The following KSR2 variants were observed in gnomAD, a reference collection of about 807,000 sequenced individuals.
KSR2 encodes the protein kinase suppressor of ras 2.
A neutral mutation model predicts 107.8 loss-of-function variants in KSR2; 25 were observed. That is an observed-to-expected ratio of 0.23 (90% confidence interval 0.17 to 0.32). KSR2 has a LOEUF of 0.32. KSR2 is among the 10% of genes least tolerant of loss of function. The pLI is 1.00. For missense variants in KSR2, 887 were observed against 1,268.9 expected (o/e 0.70, Z 4.57); for synonymous variants, 480 against 507.0 (o/e 0.95, Z 0.71).
intron 4 of KSR2, among the ~76,000 whole-genome samples, chr12:117,669,384 A>G (rs1424468675): frequency 6.6e-6 from 1 of 152,184 alleles, no homozygotes; most frequent in Non-Finnish European, 1.5e-5. Flanking sequence ...GATCTGTCAC[A>G]TCCTGGCCAT....
intron 1 of KSR2, among the ~76,000 whole-genome samples, chr12:117,913,735 T>C (rs987380333): frequency 2.7e-4 from 41 of 152,280 alleles, no homozygotes; most frequent in African/African-American, 9.4e-4. Flanking sequence ...GACATCTTGA[T>C]TTGGGACTTG....
rs185301460 is a variant in KSR2, at chr12:117,955,704, C to T, written c.180+12372G>A. Among the ~76,000 whole-genome samples the T allele has an allele frequency of 1.7e-4, 26 of 151,836 alleles. 1 individual carries two copies. Among genetic ancestry groups the T allele is most frequent in the Admixed American group, 1.2e-3 (19 of 15,242 alleles). Reference sequence around the variant, plus strand: ...TAATCAATGGCTGCCTGGTAACTCTCGGGGGATCAGATTTTCAGTCCTCAT... The same window carrying T: ...TAATCAATGGCTGCCTGGTAACTCTTGGGGGATCAGATTTTCAGTCCTCAT... On this transcript the variant is annotated intron_variant, in intron 1 of 19. Coordinates refer to ENST00000339824, the MANE Select transcript of KSR2 (RefSeq NM_173598.6).
At chr12:117,830,920 A>G (rs1566036762) in intron 3 of KSR2, among the ~76,000 whole-genome samples, 1 of 152,190 alleles carries the variant, frequency 6.6e-6, no homozygotes, top group East Asian at 1.9e-4. Flanking sequence ...AGATGAGAAA[A>G]TTAGCTCAAA....
chr12:117,622,389 A>G (rs1219746362), intron 5 of KSR2, among the ~76,000 whole-genome samples: 29 of 152,184 alleles, frequency 1.9e-4, no homozygotes, highest in Admixed American at 1.9e-3. Flanking sequence ...AAAGCAAAAG[A>G]AAGAGTCTAT....
At position 117,486,580 on chromosome 12, in the gene KSR2, T is replaced by C. The variant is rs889760012; in HGVS notation, c.2220-889A>G. Reference sequence around the variant, plus strand: ...TACATCAAAATCACAGTTTGAATTTTCCTCTTTTAACCTGTGATGTTATTG... The same window carrying C: ...TACATCAAAATCACAGTTTGAATTTCCCTCTTTTAACCTGTGATGTTATTG... On this transcript the variant is annotated intron_variant, in intron 14 of 19. Coordinates refer to ENST00000339824, the MANE Select transcript of KSR2 (RefSeq NM_173598.6). 3.3e-5 allele frequency among the ~76,000 whole-genome samples: 5 copies of C among 152,216 alleles called. No homozygotes were observed. In the South Asian group the frequency reaches 1.0e-3, roughly 31 times the overall value.
At chr12:117,851,362 G>A (rs1593304456) in intron 3 of KSR2, among the ~76,000 whole-genome samples, 1 of 152,294 alleles carries the variant, frequency 6.6e-6, no homozygotes, top group Admixed American at 6.5e-5. Context: ...GCCGAGGCAG[G>A]AGGACTGCTT....
Position 117,698,630 on chromosome 12 carries a change from T to A in KSR2, c.987-30972A>T, listed in dbSNP as rs548161625. Among the ~76,000 whole-genome samples the A allele has an allele frequency of 5.4e-4, 82 of 152,234 alleles. 1 individual carries two copies. The highest frequency in any genetic ancestry group is 1.9e-3 in the African/African-American group (78 of 41,552). On this transcript the variant is annotated intron_variant, in intron 4 of 19. Coordinates refer to ENST00000339824, the MANE Select transcript of KSR2 (RefSeq NM_173598.6). ...TATGAGCCACTGTACCCGGCCAGAC[T>A]TTTTCTCTTAATCATTACATCTGTC...
chr12:117,947,228 A>G (rs1373653448), intron 1 of KSR2, among the ~76,000 whole-genome samples: 14 of 118,374 alleles, frequency 1.2e-4, no homozygotes, highest in African/African-American at 5.1e-4. Flanking sequence ...AAAGAAAGAA[A>G]GAAAGAAAGA....
At chr12:117,777,107 T>TATATATATATATACAC (rs58787858) in intron 3 of KSR2, among the ~76,000 whole-genome samples, 6 of 66,152 alleles carry the variant, frequency 9.1e-5, no homozygotes, top group Admixed American at 4.1e-4. Flanking sequence ...TATATATATA[T>TATATATATATATACAC]ACACACACAC....
At position 117,558,564 on chromosome 12, in the gene KSR2, G is replaced by A; in HGVS notation, c.1335C>T (p.Cys445=). 6.2e-7 allele frequency: 1 copy of A among 1,613,616 alleles called. No homozygotes were observed. The highest frequency in any genetic ancestry group is 8.5e-7 in the Non-Finnish European group (1 of 1,179,600). Residue 445 remains cysteine, a synonymous_variant, in exon 8 of 20, where the codon TGC becomes TGT. Transcript: ENST00000339824. ...GLKCKNCKLK[C]HNKCTKEAPP... ...GGGCTTCTTTGGTGCATTTGTTGTG[G>A]CACTTTAACCTGAGAAAGATAAAGA...
At chr12:117,922,355 A>C (rs1280746417) in intron 1 of KSR2, among the ~76,000 whole-genome samples, 2 of 152,208 alleles carry the variant, frequency 1.3e-5, no homozygotes, top group Non-Finnish European at 2.9e-5. Context: ...CCCTTGGTCA[A>C]AGCCTGCATG....
intron 1 of KSR2, among the ~76,000 whole-genome samples, chr12:117,923,689 G>A (rs1393701402): frequency 6.6e-6 from 1 of 151,828 alleles, no homozygotes; most frequent in Admixed American, 6.6e-5. Flanking sequence ...GTGTGTGTAT[G>A]TATATGTGTA....
At chr12:117,804,253 G>A (rs1890936320) in intron 3 of KSR2, among the ~76,000 whole-genome samples, 1 of 152,176 alleles carries the variant, frequency 6.6e-6, no homozygotes, top group African/African-American at 2.4e-5. Context: ...ATGTTGGCCA[G>A]GCTGGTCTTG....
chr12:117,681,575 T>C (rs978536549), intron 4 of KSR2, among the ~76,000 whole-genome samples: 3 of 152,146 alleles, frequency 2.0e-5, no homozygotes, highest in Admixed American at 6.5e-5. Context: ...TGCAGGTCCT[T>C]GTTAGGAGGT....
intron 4 of KSR2, among the ~76,000 whole-genome samples, chr12:117,753,458 T>C (rs561668257): frequency 6.6e-6 from 1 of 152,322 alleles, no homozygotes; most frequent in African/African-American, 2.4e-5. Context: ...GTGGTATATA[T>C]ACACTATGGA....
At chr12:117,826,000 T>G (rs1891733498) in intron 3 of KSR2, among the ~76,000 whole-genome samples, 1 of 145,430 alleles carries the variant, frequency 6.9e-6, no homozygotes, top group Non-Finnish European at 1.5e-5. Flanking sequence ...GGTGGATGGG[T>G]GGGTGGATGG....
At chr12:117,879,069 C>T (rs904102317) in intron 1 of KSR2, among the ~76,000 whole-genome samples, 6 of 152,066 alleles carry the variant, frequency 3.9e-5, no homozygotes, top group African/African-American at 1.4e-4. Flanking sequence ...CCTCCTACTG[C>T]CTGGAAAAAA....
At chr12:117,656,005 A>C (rs1884135792) in intron 5 of KSR2, among the ~76,000 whole-genome samples, 1 of 152,196 alleles carries the variant, frequency 6.6e-6, no homozygotes, top group Non-Finnish European at 1.5e-5. Context: ...GAAAAAAACC[A>C]CGACTTGCTG....
intron 4 of KSR2, among the ~76,000 whole-genome samples, chr12:117,703,293 C>T (rs181399518): frequency 2.5e-4 from 38 of 152,232 alleles, no homozygotes; most frequent in African/African-American, 6.0e-4. Context: ...GAAGGAGCAA[C>T]GACAGTGTGC....
Sources: gnomAD v4.1 joint callset for allele counts (sites outside exome capture counted in the v4.1 genomes callset) on GRCh38, gnomAD v4.1.1 for gene constraint, MANE v1.5 for transcripts, NCBI Gene and HGNC (gene_info 2026-07-23, HGNC 2026-07-21) for gene names.